Variants in PCDH17 observed in about 807,000 individuals in gnomAD.
PCDH17 encodes the protein protocadherin-17.
Under a neutral mutation model 67.7 loss-of-function variants are expected in PCDH17, and 21 were observed. The ratio of observed to expected loss-of-function variants is 0.31; its 90% CI spans 0.22 to 0.45. The LOEUF is 0.45. PCDH17 is among the 20% of genes least tolerant of loss of function. The probability of loss-of-function intolerance (pLI) is 1.00; values close to 1 mark genes in which losing one functional copy is unlikely to be tolerated. For synonymous variants in PCDH17, 701 were observed against 656.7 expected, an observed-to-expected ratio of 1.07 and a Z score of -1.03; for missense variants, 1,471 against 1,564.8, an observed-to-expected ratio of 0.94 and a Z score of 1.01.
chr13:57,633,842 C>A lies in PCDH17; in HGVS notation c.1296C>A (p.Arg432=). The A allele has an allele frequency of 1.2e-6, 2 of 1,612,848 alleles. No homozygotes were observed. The highest frequency in any genetic ancestry group is 1.7e-6 in the Non-Finnish European group (2 of 1,180,024). The change falls in exon 1 of 4, where the codon CGC becomes CGA. Residue 432 remains arginine (R), a synonymous_variant. Transcript: ENST00000377918. The surrounding 1 kb of genome is among the most constrained non-coding windows in gnomAD (Gnocchi z 6.2). ...TGGTGACTGACCGCCCGCTGGACCG[C>A]GAGACACAAGACGAGTACAACGTGA... ...YTVVTDRPLD[R]ETQDEYNVTI... is the part of the protein sequence containing the mutation.
intron 3 of PCDH17, among the ~76,000 whole-genome samples, chr13:57,704,735 T>G (rs962240855): frequency 8.5e-5 from 13 of 152,070 alleles, no homozygotes; most frequent in African/African-American, 3.1e-4. Flanking sequence ...ACATTCTACT[T>G]TGAACAATAT....
intron 3 of PCDH17, among the ~76,000 whole-genome samples, chr13:57,669,448 C>A (rs923153817): frequency 2.0e-5 from 3 of 151,710 alleles, no homozygotes; most frequent in Non-Finnish European, 4.4e-5. Flanking sequence ...TCCTATATTT[C>A]TTTGTCTACT....
chr13:57,725,026 A>C lies in PCDH17; in HGVS notation c.3212A>C (p.Tyr1071Ser). 6.2e-7 allele frequency: 1 copy of C among 1,614,156 alleles called. No individual in the cohort carries two copies. The highest frequency in any genetic ancestry group is 8.5e-7 in the Non-Finnish European group (1 of 1,180,004). ...PGALAEASSQ[Y>S]LPTDSQYLSP... ...GCCCTGGCTGAAGCAAGCAGTCAGT[A>C]CTTGCCCACTGACAGTCAATATCTG... Residue 1071 changes from tyrosine (Y) to serine (S), a missense_variant, in exon 4 of 4, where the codon TAC becomes TCC. Tyr to Ser is a moderately radical substitution (Grantham distance 144). This residue lies in a region of PCDH17 where 297 missense variants were observed against 298.6 expected (regional missense o/e 0.99). Coordinates refer to ENST00000377918, the MANE Select transcript of PCDH17 (RefSeq NM_001040429.3).
intron 1 of PCDH17, among the ~76,000 whole-genome samples, chr13:57,647,544 G>T (rs1313582513): frequency 6.6e-6 from 1 of 151,652 alleles, no homozygotes; most frequent in Non-Finnish European, 1.5e-5. Context: ...ATTTGGGCCT[G>T]GCCTCTGTAT....
rs544126839 is a variant in PCDH17 at position 57,670,868 on chromosome 13, C to T, written c.2797+4035C>T. ...ACCATTAGTTTAATTCCAAATACAT[C>T]GCAAAAGTAATGTATTGCCCACTAT... On this transcript the variant is annotated intron_variant, in intron 3 of 3. Transcript: ENST00000377918. Among the ~76,000 whole-genome samples, 7 of 151,854 alleles carry T rather than the reference C, an allele frequency of 4.6e-5. No homozygotes were observed. The South Asian group carries it at 6.2e-4, about 14-fold the overall frequency.
intron 3 of PCDH17, among the ~76,000 whole-genome samples, chr13:57,715,614 A>G (rs1955810489): frequency 6.6e-6 from 1 of 151,890 alleles, no homozygotes; most frequent in Admixed American, 6.6e-5. Context: ...TTTAAAATTT[A>G]TTGTTCTTTA....
chr13:57,653,474 T>C (rs1022275942), intron 1 of PCDH17, among the ~76,000 whole-genome samples: 4 of 151,978 alleles, frequency 2.6e-5, no homozygotes, highest in African/African-American at 7.3e-5. Flanking sequence ...AGTGCAAAAT[T>C]TGAGTCAAAA....
chr13:57,651,358 T>G lies in PCDH17; in HGVS notation c.2566-15110T>G, dbSNP rs1332323636. 2.4e-4 allele frequency among the ~76,000 whole-genome samples: 3 copies of G among 12,608 alleles called. No homozygotes were observed. In the East Asian group the frequency reaches 5.9e-3, roughly 25 times the overall value. 8.3% of individuals were successfully genotyped at this position (12,608 alleles called of 152,430 possible). The stretch of plus-strand genomic sequence containing the variant: ...GATAGATAGGTGGTTTAATTGAGGT[T>G]TTTTTTTTTTTTTTTTTTTTTGAGA... On this transcript the variant is annotated intron_variant, in intron 1 of 3. Transcript: ENST00000377918.
At chr13:57,680,872 G>T (rs1593922853) in intron 3 of PCDH17, among the ~76,000 whole-genome samples, 1 of 151,654 alleles carries the variant, frequency 6.6e-6, no homozygotes, top group African/African-American at 2.4e-5. Flanking sequence ...TTTTACAGCA[G>T]AGCTGATACT....
intron 1 of PCDH17, among the ~76,000 whole-genome samples, chr13:57,639,392 G>T (rs1400153539): frequency 6.6e-6 from 1 of 151,508 alleles, no homozygotes; most frequent in Non-Finnish European, 1.5e-5. Flanking sequence ...TTATTATATT[G>T]TTACTTTTAT....
rs1249213590 is a variant in PCDH17, at chr13:57,632,574, C to T, written c.28C>T (p.Leu10Phe). Reference protein sequence around the residue: MYLSICCCFLLWAPALTLKN... With the variant: MYLSICCCFFLWAPALTLKN... ...GTACCTTTCCATCTGTTGCTGCTTT[C>T]TTCTATGGGCCCCTGCCCTCACTCT... Residue 10 changes from leucine (L) to phenylalanine (F), a missense_variant, in exon 1 of 4, where the codon CTT becomes TTT. Leu to Phe is a conservative substitution (Grantham distance 22). Around this residue, in one of 3 missense-constraint regions of PCDH17, gnomAD observed 1,163 missense variants for 1,230.0 expected, o/e 0.95. Transcript: ENST00000377918. 1.9e-6 allele frequency: 3 copies of T among 1,613,744 alleles called. No homozygotes were observed. The highest frequency in any genetic ancestry group is 2.5e-6 in the Non-Finnish European group (3 of 1,179,890).
At chr13:57,662,485 T>C (rs1029753985) in intron 1 of PCDH17, among the ~76,000 whole-genome samples, 5 of 152,194 alleles carry the variant, frequency 3.3e-5, no homozygotes, top group African/African-American at 1.2e-4. Flanking sequence ...GAACAATTAA[T>C]TGATAGGCGC....
chr13:57,658,667 T>C (rs1178660225), intron 1 of PCDH17, among the ~76,000 whole-genome samples: 1 of 152,184 alleles, frequency 6.6e-6, no homozygotes, highest in East Asian at 1.9e-4. Context: ...ATGCATCCAT[T>C]GGGCTGAGTG....
In PCDH17 at chr13:57,724,603, G is replaced by GT. The variant is rs1566249807; in HGVS notation, c.2798-5dup. On this transcript the variant is annotated splice_polypyrimidine_tract_variant and intron_variant, in intron 3 of 3. Coordinates refer to ENST00000377918, the MANE Select transcript of PCDH17 (RefSeq NM_001040429.3). ...GATTGGATTTGCTGTTTTCTCTTTT[G>GT]TTTTGCAGAACCAGAAGAGTGTGTT... is the stretch of plus-strand genomic sequence containing the variant. 1 of 1,598,196 alleles carries GT rather than the reference G, an allele frequency of 6.3e-7. No homozygotes were observed. The highest frequency in any genetic ancestry group is 1.7e-5 in the Admixed American group (1 of 58,576).
At chr13:57,683,363 A>G (rs1955475472) in intron 3 of PCDH17, among the ~76,000 whole-genome samples, 1 of 151,896 alleles carries the variant, frequency 6.6e-6, no homozygotes, top group South Asian at 2.1e-4. Flanking sequence ...CAGAGGAAAC[A>G]AATGATTTAA....
chr13:57,694,418 C>A (rs972592002), intron 3 of PCDH17, among the ~76,000 whole-genome samples: 1 of 151,154 alleles, frequency 6.6e-6, no homozygotes, highest in Admixed American at 6.6e-5. Flanking sequence ...GAAGGACTTT[C>A]TTTCCTTTTG....
chr13:57,654,636 T>C (rs975901724), intron 1 of PCDH17, among the ~76,000 whole-genome samples: 2 of 152,088 alleles, frequency 1.3e-5, no homozygotes, highest in Non-Finnish European at 2.9e-5. Context: ...AATTTGATAT[T>C]ATGTGACAGT....
intron 1 of PCDH17, among the ~76,000 whole-genome samples, chr13:57,650,133 A>C (rs1359412124): frequency 6.6e-6 from 1 of 152,148 alleles, no homozygotes; most frequent in Non-Finnish European, 1.5e-5. Context: ...GTTATAAAAC[A>C]AAACATATAA....
chr13:57,703,602 A>G (rs1427455862), intron 3 of PCDH17, among the ~76,000 whole-genome samples: 1 of 152,140 alleles, frequency 6.6e-6, no homozygotes, highest in Non-Finnish European at 1.5e-5. Flanking sequence ...TATAACTCAA[A>G]TTAATTAGCC....
Sources: allele counts gnomAD v4.1 joint callset (sites outside exome capture counted in the v4.1 genomes callset), GRCh38; gene constraint gnomAD v4.1.1; regional missense constraint gnomAD v4.1.1; non-coding constraint Gnocchi (gnomAD v3.1); transcripts MANE v1.5; gene names NCBI Gene and HGNC (gene_info 2026-07-23, HGNC 2026-07-21).